The following PAQR3 variants were observed in gnomAD, a reference collection of about 807,000 sequenced individuals.
PAQR3 encodes Raf kinase trapping to Golgi.
Under a neutral mutation model 41.7 loss-of-function variants are expected in PAQR3, and 39 were observed. The observed-to-expected ratio is 0.93, with a 90% confidence interval of 0.72 to 1.22. The LOEUF (loss-of-function observed/expected upper bound fraction) is 1.22, where lower values mean the gene tolerates loss of function less well. PAQR3 is among the 50% of genes most tolerant of loss of function. The pLI is 0.00. For missense variants in PAQR3, 366 were observed against 385.6 expected, an observed-to-expected ratio of 0.95 and a Z score of 0.42; for synonymous variants, 140 against 140.6, an observed-to-expected ratio of 1.00 and a Z score of 0.03.
chr4:78,920,616 A>G lies in PAQR3; in HGVS notation c.859T>C (p.Trp287Arg). 6.2e-7 allele frequency: 1 copy of G among 1,612,026 alleles called. No homozygotes were observed. Among genetic ancestry groups the G allele is most frequent in the East Asian group, 2.2e-5 (1 of 44,816 alleles). The change falls in exon 6 of 6, where the codon TGG becomes CGG. Residue 287 changes from tryptophan to arginine, a missense_variant. Physicochemically the swap from Trp to Arg is moderately radical, Grantham distance 101 (BLOSUM62 -3). Transcript: ENST00000512733. ...ACATACACTGTTGACTGATGCCACCAATATAACATCACTACTGCAAGGATA... is the reference window on the plus strand; with the variant it reads ...ACATACACTGTTGACTGATGCCACCGATATAACATCACTACTGCAAGGATA... The part of the protein sequence containing the change: ...WHILAVVMLY[W>R]WHQSTVYVMQ...
intron 11 of PAQR3, among the ~76,000 whole-genome samples, chr4:78,901,905 A>G (rs772529322): frequency 2.7e-4 from 41 of 152,210 alleles, no homozygotes; most frequent in Non-Finnish European, 4.1e-4. Context: ...CAATGCTCCC[A>G]AAGACCCTAG....
chr4:78,924,114 T>C (rs568981533), intron 4 of PAQR3, among the ~76,000 whole-genome samples, 167 bp from the exon 5 acceptor site: 124 of 152,252 alleles, frequency 8.1e-4, no homozygotes, highest in African/African-American at 2.8e-3. Context: ...CCTGCAAGAA[T>C]GGAGCACAGA....
Position 78,915,993 on chromosome 4 carries a change from A to AG in PAQR3, c.*4545dup, listed in dbSNP as rs1033416021. On this transcript the variant is annotated 3_prime_UTR_variant, in exon 6 of 6. Transcript: ENST00000512733. ...TTTTTGTTAAACTTGAATTTTCTGA[A>AG]GCCTTTTATGTACCACTAAGCAAAT... The AG allele has an allele frequency of 6.6e-6, 1 of 151,892 alleles. No homozygotes were observed. The highest frequency in any genetic ancestry group is 2.4e-5 in the African/African-American group (1 of 41,422). The allele number at this position is 151,892 out of a possible 1,614,324, so 9.4% of individuals were successfully genotyped here. A position where few individuals can be genotyped will look rare whatever the true frequency, so the allele number is the denominator to read the frequency against.
chr4:78,921,775 T>G (rs1009745728), intron 5 of PAQR3: 3 of 984,308 alleles, frequency 3.0e-6, no homozygotes, highest in Non-Finnish European at 3.6e-6. Context: ...TTGCCAGAGA[T>G]AGTTTCTAAG....
In PAQR3 at chr4:78,914,714, A is replaced by G. The variant is rs1276289511; in HGVS notation, c.*5825T>C. ...GAAAGGTTATTATATATGTACCACT[A>G]AGCAAATATATATATATATATATAT... is the stretch of plus-strand genomic sequence containing the variant. On this transcript the variant is annotated 3_prime_UTR_variant, in exon 6 of 6. Coordinates refer to ENST00000512733, the MANE Select transcript of PAQR3 (RefSeq NM_001040202.2). 2.7e-5 allele frequency: 4 copies of G among 149,782 alleles called. No individual in the cohort carries two copies. The highest frequency in any genetic ancestry group is 4.9e-5 in the African/African-American group (2 of 40,604). 9.3% of individuals were successfully genotyped at this position (149,782 alleles called of 1,614,324 possible). A position where few individuals can be genotyped will look rare whatever the true frequency, so the allele number is the denominator to read the frequency against.
rs1578036568 is a variant in PAQR3 at position 78,933,438 on chromosome 4, T to C, written c.348+1683A>G. On this transcript the variant is annotated intron_variant, in intron 2 of 5. Coordinates refer to ENST00000512733, the MANE Select transcript of PAQR3 (RefSeq NM_001040202.2). The stretch of plus-strand genomic sequence containing the variant: ...ACTAAAGCATACAGAAGCATAGGAG[T>C]GAGAAAAATGTTATGTCTTTTAATA... 1.4e-4 allele frequency among the ~76,000 whole-genome samples: 3 copies of C among 22,028 alleles called. No homozygotes were observed. The East Asian group carries it at 5.6e-3, about 41-fold the overall frequency. The allele number at this position is 22,028 out of a possible 152,430, so 14.5% of individuals were successfully genotyped here. A position where few individuals can be genotyped will look rare whatever the true frequency, so the allele number is the denominator to read the frequency against.
rs537455298 is a variant in PAQR3 at position 78,934,683 on chromosome 4, T to TA, written c.348+437dup. ...ATAAATTAACATTAAAGCAACAGAG[T>TA]AAAAAATCAATACCAGCAAAACAGG... On this transcript the variant is annotated intron_variant, in intron 2 of 5. Coordinates refer to ENST00000512733, the MANE Select transcript of PAQR3 (RefSeq NM_001040202.2). 2.8e-3 allele frequency among the ~76,000 whole-genome samples: 426 copies of TA among 151,714 alleles called. 3 individuals are homozygous for TA. The highest frequency in any genetic ancestry group is 9.8e-3 in the African/African-American group (405 of 41,354).
At chr4:78,895,420 C>A (rs1031682633) in intron 11 of PAQR3, among the ~76,000 whole-genome samples, 3 of 152,122 alleles carry the variant, frequency 2.0e-5, no homozygotes, top group Admixed American at 6.5e-5. Context: ...TTTCTAATTT[C>A]TCACAAATTT....
At chr4:78,903,613 A>G (rs1560555476) in intron 11 of PAQR3, among the ~76,000 whole-genome samples, 3 of 151,936 alleles carry the variant, frequency 2.0e-5, no homozygotes, top group Non-Finnish European at 4.4e-5. Flanking sequence ...TTTATCTCTC[A>G]TGGATTTTGT....
chr4:78,902,555 G>A (rs1271299533), intron 11 of PAQR3, among the ~76,000 whole-genome samples: 5 of 152,048 alleles, frequency 3.3e-5, no homozygotes, highest in Admixed American at 3.3e-4. Context: ...AAGTCTTATA[G>A]CCCCTCCCGT....
In PAQR3 at chr4:78,939,385, A is replaced by G. The variant is rs1014225465; in HGVS notation, c.-161T>C. Reference sequence around the variant, plus strand: ...GCCCAGGGCCCGGCTCTGCGCTCACACCGGCCACTGCCGCCAGCGCCGCGG... The same window carrying G: ...GCCCAGGGCCCGGCTCTGCGCTCACGCCGGCCACTGCCGCCAGCGCCGCGG... On this transcript the variant is annotated 5_prime_UTR_variant, in exon 1 of 6. Coordinates refer to ENST00000512733, the MANE Select transcript of PAQR3 (RefSeq NM_001040202.2). 3.7e-5 allele frequency: 16 copies of G among 437,232 alleles called. No homozygotes were observed. In the Admixed American group the frequency reaches 7.1e-4, roughly 19 times the overall value. 27.1% of individuals were successfully genotyped at this position (437,232 alleles called of 1,614,324 possible). A position where few individuals can be genotyped will look rare whatever the true frequency, so the allele number is the denominator to read the frequency against.
intron 2 of PAQR3, among the ~76,000 whole-genome samples, chr4:78,932,538 G>A (rs777912596): frequency 3.3e-5 from 5 of 152,084 alleles, no homozygotes; most frequent in South Asian, 2.1e-4. Flanking sequence ...ACAAACATAC[G>A]CATTTGGGTT....
In PAQR3 at chr4:78,915,091, C is replaced by T. The variant is rs1734930338; in HGVS notation, c.*5448G>A. 1 of 151,960 alleles carries T rather than the reference C, an allele frequency of 6.6e-6. No homozygotes were observed. The highest frequency in any genetic ancestry group is 6.6e-5 in the Admixed American group (1 of 15,220). 9.4% of individuals were successfully genotyped at this position (151,960 alleles called of 1,614,324 possible). Reference sequence around the variant, plus strand: ...GGTTGTAGGCCGGATGAAAATTTAACTGACTAGAACATTTATTCAGGAGTG... The same window carrying T: ...GGTTGTAGGCCGGATGAAAATTTAATTGACTAGAACATTTATTCAGGAGTG... On this transcript the variant is annotated 3_prime_UTR_variant, in exon 6 of 6. Coordinates refer to ENST00000512733, the MANE Select transcript of PAQR3 (RefSeq NM_001040202.2).
chr4:78,910,852 CAAG>C (rs1734550779), downstream of PAQR3: 1 of 1,613,874 alleles, frequency 6.2e-7, no homozygotes, highest in South Asian at 1.1e-5. Flanking sequence ...TCAGGGGGAA[CAAG>C]GAGATTTTAA....
At position 78,898,230 on chromosome 4, in the gene PAQR3, G is replaced by A. The variant is rs75395735; in HGVS notation, c.*836+7878C>T. On this transcript the variant is annotated intron_variant and NMD_transcript_variant, in intron 11 of 12. Transcript: ENST00000342820. ...CCAAAGACCCTAGACCCACCCTGTG[G>A]GCTTTATTATCTAATAGGAAGTTAA... is the stretch of plus-strand genomic sequence containing the variant. Among the ~76,000 whole-genome samples, 1,173 of 152,132 alleles carry A rather than the reference G, an allele frequency of 7.7e-3. 16 individuals carry two copies. Among genetic ancestry groups the A allele is most frequent in the African/African-American group, 0.027 (1,129 of 41,500 alleles).
chr4:78,905,196 T>C (rs527307153), intron 11 of PAQR3, among the ~76,000 whole-genome samples: 1 of 152,048 alleles, frequency 6.6e-6, no homozygotes, highest in East Asian at 1.9e-4. Context: ...TGGTTGATCA[T>C]ATAGATTTTT....
At position 78,926,625 on chromosome 4, in the gene PAQR3, GCCA is replaced by G; in HGVS notation, c.595_597del (p.Trp199del). ...CAAAAGATGATAGAACGGAGCCTTT[GCCA>G]TTGCTGCGTGAGGTAATTGGGATGA... is the stretch of plus-strand genomic sequence containing the variant. On this transcript the variant is annotated inframe_deletion, in exon 4 of 6. Coordinates refer to ENST00000512733, the MANE Select transcript of PAQR3 (RefSeq NM_001040202.2). The G allele has an allele frequency of 6.2e-7, 1 of 1,613,856 alleles. No homozygotes were observed. Among genetic ancestry groups the G allele is most frequent in the Non-Finnish European group, 8.5e-7 (1 of 1,179,760 alleles).
At chr4:78,935,467 C>A (rs1737331806) in intron 1 of PAQR3, among the ~76,000 whole-genome samples, 184 bp from the exon 2 acceptor site, 1 of 152,126 alleles carries the variant, frequency 6.6e-6, no homozygotes, top group African/African-American at 2.4e-5. Context: ...ACATCGCCAC[C>A]AAGTCTGGGA....
At chr4:78,888,656 T>C (rs931187853) in intron 11 of PAQR3, among the ~76,000 whole-genome samples, 1 of 152,202 alleles carries the variant, frequency 6.6e-6, no homozygotes, top group African/African-American at 2.4e-5. Flanking sequence ...TGGACACCCT[T>C]ATTTGGAGGT....
Sources: allele counts gnomAD v4.1 joint callset (sites outside exome capture counted in the v4.1 genomes callset), GRCh38; gene constraint gnomAD v4.1.1; transcripts MANE v1.5; gene names NCBI Gene and HGNC (gene_info 2026-07-23, HGNC 2026-07-21).